NR3C2: variants seen among roughly 807,000 people sequenced by gnomAD.
NR3C2 encodes nuclear receptor subfamily 3 group C member 2.
In NR3C2, 15 loss-of-function variants were observed where a neutral mutation model predicts 86.4. The ratio of observed to expected loss-of-function variants is 0.17; its 90% CI spans 0.12 to 0.27. The LOEUF (loss-of-function observed/expected upper bound fraction) is 0.27. NR3C2 is among the 10% of genes least tolerant of loss of function. The pLI is 1.00. For missense variants in NR3C2, 960 were observed against 1,195.6 expected, an observed-to-expected ratio of 0.80 and a Z score of 2.91; for synonymous variants, 458 against 450.5, an observed-to-expected ratio of 1.02 and a Z score of -0.21.
At chr4:148,082,553 G>T (rs1365604314) in intron 8 of NR3C2, among the ~76,000 whole-genome samples, 9 of 152,020 alleles carry the variant, frequency 5.9e-5, no homozygotes, top group Admixed American at 5.9e-4. Context: ...CTTTTCCCAG[G>T]GTCTTCACAA....
chr4:148,278,262 G>C (rs1049957950), intron 2 of NR3C2, among the ~76,000 whole-genome samples: 1 of 151,876 alleles, frequency 6.6e-6, no homozygotes, highest in Non-Finnish European at 1.5e-5. Context: ...TGCATGCCTG[G>C]CTAATTTTTA....
intron 1 of NR3C2, among the ~76,000 whole-genome samples, chr4:148,437,870 A>G (rs1211739659): frequency 6.6e-6 from 1 of 152,250 alleles, no homozygotes; most frequent in Non-Finnish European, 1.5e-5. Context: ...AGGTTGTTTC[A>G]GATATATAAC....
At chr4:148,290,378 A>G (rs1417767770) in intron 2 of NR3C2, among the ~76,000 whole-genome samples, 4 of 152,226 alleles carry the variant, frequency 2.6e-5, no homozygotes, top group Admixed American at 2.0e-4. Context: ...AGAGAGAAGC[A>G]TAAATTCACC....
chr4:148,246,017 A>G (rs1026940439), intron 3 of NR3C2, among the ~76,000 whole-genome samples: 1 of 152,210 alleles, frequency 6.6e-6, no homozygotes, highest in Non-Finnish European at 1.5e-5. Flanking sequence ...CCATCCAATA[A>G]GAATGAGTGG....
At chr4:148,295,923 ATTT>A (rs999593736) in intron 2 of NR3C2, among the ~76,000 whole-genome samples, 1 of 151,436 alleles carries the variant, frequency 6.6e-6, no homozygotes, top group African/African-American at 2.4e-5. Flanking sequence ...TAATAATTGC[ATTT>A]TTTATTACAG....
At chr4:148,355,107 A>G (rs1745488434) in intron 2 of NR3C2, among the ~76,000 whole-genome samples, 1 of 152,184 alleles carries the variant, frequency 6.6e-6, no homozygotes, top group Non-Finnish European at 1.5e-5. Flanking sequence ...GTTTAAAATG[A>G]GCTTTCTTAT....
chr4:148,108,258 C>T (rs1027474055), intron 8 of NR3C2, among the ~76,000 whole-genome samples: 2 of 152,004 alleles, frequency 1.3e-5, no homozygotes, highest in African/African-American at 4.8e-5. Context: ...CACGCATCAC[C>T]ACACCCGGCT....
intron 2 of NR3C2, among the ~76,000 whole-genome samples, chr4:148,286,456 A>G (rs1289517065): frequency 6.6e-6 from 1 of 152,228 alleles, no homozygotes; most frequent in Non-Finnish European, 1.5e-5. Context: ...AAATAATTAC[A>G]TGGATCTTCA....
At chr4:148,112,779 GT>G (rs1732100267) in intron 8 of NR3C2, among the ~76,000 whole-genome samples, 1 of 152,120 alleles carries the variant, frequency 6.6e-6, no homozygotes, top group Admixed American at 6.6e-5. Context: ...TATGCCATTA[GT>G]TACCACAGAG....
At chr4:148,102,322 C>G (rs552287608) in intron 8 of NR3C2, among the ~76,000 whole-genome samples, 1 of 152,346 alleles carries the variant, frequency 6.6e-6, no homozygotes, top group Admixed American at 6.5e-5. Context: ...CCTCCCACAT[C>G]TGCAGCAGCA....
intron 2 of NR3C2, among the ~76,000 whole-genome samples, chr4:148,420,845 C>T (rs536040393): frequency 9.1e-4 from 139 of 152,294 alleles, no homozygotes; most frequent in Middle Eastern, 3.4e-3. Context: ...CTTGCTCCTG[C>T]TCCAACCATG....
intron 4 of NR3C2, among the ~76,000 whole-genome samples, chr4:148,188,518 A>G (rs1736042509): frequency 6.6e-6 from 1 of 151,914 alleles, no homozygotes; most frequent in South Asian, 2.1e-4. Context: ...TAAGTTCTTG[A>G]TTTCATTTTC....
intron 2 of NR3C2, among the ~76,000 whole-genome samples, chr4:148,367,082 C>A (rs1341735430): frequency 6.6e-6 from 1 of 152,154 alleles, no homozygotes; most frequent in Non-Finnish European, 1.5e-5. Context: ...CATTTTATCA[C>A]TTCTAGGTTT....
At chr4:148,245,981 T>C (rs1015269098) in intron 3 of NR3C2, among the ~76,000 whole-genome samples, 4 of 152,202 alleles carry the variant, frequency 2.6e-5, no homozygotes, top group Admixed American at 6.5e-5. Context: ...TGCCTGGGAT[T>C]AATTTCCCAC....
chr4:148,322,933 C>T (rs1743700860), intron 2 of NR3C2, among the ~76,000 whole-genome samples: 1 of 145,494 alleles, frequency 6.9e-6, no homozygotes, highest in African/African-American at 2.5e-5. Context: ...GAACTGCGTT[C>T]CTTTGGAGGA....
intron 2 of NR3C2, among the ~76,000 whole-genome samples, chr4:148,380,244 T>C (rs1746900805): frequency 6.6e-6 from 1 of 152,214 alleles, no homozygotes; most frequent in African/African-American, 2.4e-5. Context: ...CTTCTTTCAT[T>C]GGGCATAATG....
At chr4:148,258,531 T>A (rs1034224779) in intron 3 of NR3C2, among the ~76,000 whole-genome samples, 2 of 152,200 alleles carry the variant, frequency 1.3e-5, no homozygotes, top group African/African-American at 4.8e-5. Flanking sequence ...CCAGCCTATC[T>A]GATCACTACA....
intron 2 of NR3C2, among the ~76,000 whole-genome samples, chr4:148,349,533 C>G (rs1369855224): frequency 6.6e-6 from 1 of 152,022 alleles, no homozygotes; most frequent in Non-Finnish European, 1.5e-5. Flanking sequence ...CATAAAGGTT[C>G]CTACAAAATA....
chr4:148,436,738 G>A lies in NR3C2; in HGVS notation c.123C>T (p.Asn41=). The change falls in exon 2 of 9, where the codon AAC becomes AAT. Residue 41 remains asparagine (N), a synonymous_variant. Coordinates refer to ENST00000358102, the MANE Select transcript of NR3C2 (RefSeq NM_000901.5). The part of the protein sequence containing the change: ...LGPTERTDEN[N]YMEIVNVSCV... ...AGCTTACGTTGACAATCTCCATGTA[G>A]TTATTCTCATCGGTCCTCTCTGTAG... 6.2e-7 allele frequency: 1 copy of A among 1,614,168 alleles called. No homozygotes were observed. Among genetic ancestry groups the A allele is most frequent in the Non-Finnish European group, 8.5e-7 (1 of 1,180,038 alleles).
Sources: allele counts gnomAD v4.1 joint callset (sites outside exome capture counted in the v4.1 genomes callset), GRCh38; gene constraint gnomAD v4.1.1; transcripts MANE v1.5; gene names NCBI Gene and HGNC (gene_info 2026-07-23, HGNC 2026-07-21).